ASIC2: variants seen among roughly 807,000 people sequenced by gnomAD.
ASIC2 encodes acid-sensing ion channel 2.
ASIC2 carries 25 observed loss-of-function variants against 57.3 expected under a neutral mutation model. That is an observed-to-expected ratio of 0.44 (90% confidence interval 0.32 to 0.61). The LOEUF (loss-of-function observed/expected upper bound fraction) is 0.61, where lower values mean the gene tolerates loss of function less well. Ranked by LOEUF, ASIC2 falls within the 20% of genes least tolerant of loss-of-function variation. The probability of loss-of-function intolerance (pLI) is 0.06; values close to 1 mark genes in which losing one functional copy is unlikely to be tolerated. For missense variants in ASIC2, 641 were observed against 738.1 expected (o/e 0.87, Z 1.52); for synonymous variants, 319 against 307.5 (o/e 1.04, Z -0.39).
intron 1 of ASIC2, among the ~76,000 whole-genome samples, chr17:33,410,823 G>A (rs1432053669): frequency 6.6e-6 from 1 of 152,200 alleles, no homozygotes; most frequent in Non-Finnish European, 1.5e-5. Context: ...AGCTCTTTGT[G>A]GGATGGGGAT....
At chr17:33,311,630 C>G (rs982655695) in intron 1 of ASIC2, among the ~76,000 whole-genome samples, 1 of 152,104 alleles carries the variant, frequency 6.6e-6, no homozygotes, top group Non-Finnish European at 1.5e-5. Context: ...AGAAGTTCTT[C>G]TCATCCATGT....
intron 1 of ASIC2, among the ~76,000 whole-genome samples, chr17:33,604,834 C>T (rs910140644): frequency 3.3e-5 from 5 of 152,018 alleles, no homozygotes; most frequent in Non-Finnish European, 7.4e-5. Flanking sequence ...GAAAAATCTC[C>T]CCCCTAAAAC....
intron 1 of ASIC2, among the ~76,000 whole-genome samples, chr17:33,879,962 T>C (rs963495571): frequency 6.6e-6 from 1 of 152,068 alleles, no homozygotes; most frequent in Non-Finnish European, 1.5e-5. Context: ...CACTCAAAAC[T>C]GCTCAACTAC....
chr17:33,849,138 T>A (rs1913693498), intron 1 of ASIC2, among the ~76,000 whole-genome samples: 1 of 152,200 alleles, frequency 6.6e-6, no homozygotes, highest in South Asian at 2.1e-4. Flanking sequence ...TGCTCATTAA[T>A]TAGTGCACTC....
chr17:33,496,454 C>T (rs1217163056), intron 1 of ASIC2, among the ~76,000 whole-genome samples: 1 of 151,988 alleles, frequency 6.6e-6, no homozygotes, highest in Non-Finnish European at 1.5e-5. Context: ...GTGCTCAGTC[C>T]ACATCTAATG....
At chr17:33,562,566 G>C (rs1007264626) in intron 1 of ASIC2, among the ~76,000 whole-genome samples, 4 of 152,166 alleles carry the variant, frequency 2.6e-5, no homozygotes, top group Non-Finnish European at 4.4e-5. Context: ...CACCAGGAGA[G>C]AGCACGTCAC....
intron 1 of ASIC2, chr17:34,038,281 G>A: frequency 9.9e-6 from 16 of 1,610,342 alleles, no homozygotes; most frequent in Non-Finnish European, 1.3e-5. Context: ...TCAGGTAGAA[G>A]TCCAGATCAT....
At chr17:34,030,147 A>T (rs1174654702) in intron 1 of ASIC2, among the ~76,000 whole-genome samples, 1 of 152,234 alleles carries the variant, frequency 6.6e-6, no homozygotes, top group Non-Finnish European at 1.5e-5. Flanking sequence ...AGTGAAAGTT[A>T]TGAGGGTTTC....
intron 1 of ASIC2, among the ~76,000 whole-genome samples, chr17:33,495,168 T>C (rs1457361470): frequency 6.6e-6 from 1 of 152,204 alleles, no homozygotes; most frequent in Non-Finnish European, 1.5e-5. Context: ...GTTCTGCCCC[T>C]GAGAGTGAGT....
chr17:33,203,569 T>C (rs1906958241), intron 1 of ASIC2, among the ~76,000 whole-genome samples: 1 of 152,206 alleles, frequency 6.6e-6, no homozygotes, highest in South Asian at 2.1e-4. Flanking sequence ...TCTGCCCGCC[T>C]TTTTATTCCA....
intron 1 of ASIC2, among the ~76,000 whole-genome samples, chr17:33,650,486 C>T (rs1375607148): frequency 3.9e-5 from 6 of 152,126 alleles, no homozygotes; most frequent in African/African-American, 1.2e-4. Flanking sequence ...GCATTTATCC[C>T]AGAGAAATGA....
At chr17:33,432,319 C>T (rs541048719) in intron 1 of ASIC2, among the ~76,000 whole-genome samples, 33 of 152,264 alleles carry the variant, frequency 2.2e-4, no homozygotes, top group African/African-American at 6.5e-4. Context: ...ATTTCGAGAC[C>T]AGCCTTGGGA....
intron 1 of ASIC2, among the ~76,000 whole-genome samples, chr17:33,738,676 T>G (rs1301667387): frequency 6.6e-6 from 1 of 152,150 alleles, no homozygotes; most frequent in Non-Finnish European, 1.5e-5. Flanking sequence ...TTGCACTCAA[T>G]CCTTGTTTCT....
intron 1 of ASIC2, among the ~76,000 whole-genome samples, chr17:33,125,304 T>C (rs1048744359): frequency 6.6e-6 from 1 of 152,244 alleles, no homozygotes; most frequent in Non-Finnish European, 1.5e-5. Context: ...GCATAGGCTT[T>C]GGAATCAAAG....
At chr17:33,846,496 G>A (rs1387998297) in intron 1 of ASIC2, among the ~76,000 whole-genome samples, 3 of 152,122 alleles carry the variant, frequency 2.0e-5, no homozygotes, top group Non-Finnish European at 4.4e-5. Flanking sequence ...AGTGGGATGG[G>A]GGAGGATGCA....
intron 1 of ASIC2, among the ~76,000 whole-genome samples, chr17:33,995,513 T>C (rs956823921): frequency 3.3e-5 from 5 of 152,224 alleles, no homozygotes; most frequent in Admixed American, 6.5e-5. Context: ...AAATTGTTCT[T>C]ATTTTATTCT....
At chr17:33,951,893 C>A (rs1268071350) in intron 1 of ASIC2, among the ~76,000 whole-genome samples, 1 of 151,972 alleles carries the variant, frequency 6.6e-6, no homozygotes, top group Non-Finnish European at 1.5e-5. Context: ...CCTGCCTGGT[C>A]TCTTCCTCCT....
At chr17:33,776,320 C>A (rs997734394) in intron 1 of ASIC2, among the ~76,000 whole-genome samples, 3 of 152,122 alleles carry the variant, frequency 2.0e-5, no homozygotes, top group Non-Finnish European at 4.4e-5. Context: ...ACTTCTTCAT[C>A]CTGTCTGCCA....
intron 1 of ASIC2, among the ~76,000 whole-genome samples, chr17:33,537,697 G>C (rs1915276983): frequency 6.6e-6 from 1 of 152,204 alleles, no homozygotes; most frequent in Admixed American, 6.5e-5. Flanking sequence ...CTGCAAGATA[G>C]TTGGAAAGTT....
Sources: gnomAD v4.1 joint callset for allele counts (sites outside exome capture counted in the v4.1 genomes callset) on GRCh38, gnomAD v4.1.1 for gene constraint, MANE v1.5 for transcripts, NCBI Gene and HGNC (gene_info 2026-07-23, HGNC 2026-07-21) for gene names.